The following DMP1 variants were observed in gnomAD, a reference collection of about 807,000 sequenced individuals.
DMP1 encodes dentin matrix protein 1.
A neutral mutation model predicts 14.6 loss-of-function variants in DMP1; 20 were observed. That is an observed-to-expected ratio of 1.37 (90% CI 0.96 to 1.99). DMP1 has a LOEUF of 1.99. Among genes scored for constraint, DMP1 ranks in the 30% most tolerant of loss-of-function variants. DMP1 has a pLI of 0.00. For missense variants in DMP1, 567 were observed against 620.5 expected (o/e 0.91, Z 0.92); for synonymous variants, 197 against 215.3 (o/e 0.91, Z 0.75).
intron 3 of DMP1, chr4:87,657,289 T>G: frequency 2.2e-6 from 1 of 448,292 alleles, no homozygotes; most frequent in Non-Finnish European, 4.1e-6. Flanking sequence ...AGCTTTCTTC[T>G]TATAATGGAT....
rs1470524573 is a variant in DMP1 at position 87,661,253 on chromosome 4, C to T, written c.184-709C>T. Among the ~76,000 whole-genome samples the T allele has an allele frequency of 7.7e-5, 9 of 116,616 alleles. No individual in the cohort carries two copies. The East Asian group carries it at 1.1e-3, about 14-fold the overall frequency. The allele number at this position is 116,616 out of a possible 152,430, so 76.5% of individuals were successfully genotyped here. ...TTTTTTTTTTTTTGAGACGGAGTCT[C>T]GCTGTCGCCCAGGCTGGAGTGCAGT... is the stretch of plus-strand genomic sequence containing the variant. On this transcript the variant is annotated intron_variant, in intron 5 of 5. Transcript: ENST00000339673.
chr4:87,659,005 T>G, intron 3 of DMP1: 1 of 605,354 alleles, frequency 1.7e-6, no homozygotes, highest in Non-Finnish European at 3.0e-6. Flanking sequence ...ATAAACATTG[T>G]CTAGGTCTCT....
intron 2 of DMP1, 53 bp downstream of exon 2, chr4:87,656,599 A>T (rs1393372607): frequency 5.6e-6 from 7 of 1,252,572 alleles, no homozygotes; most frequent in Non-Finnish European, 7.1e-6. Context: ...TTAAAACTCC[A>T]CAATTTTGAT....
chr4:87,656,830 C>T (rs1239844533), intron 2 of DMP1, among the ~76,000 whole-genome samples: 1 of 152,186 alleles, frequency 6.6e-6, no homozygotes, highest in Non-Finnish European at 1.5e-5. Context: ...TGTTAGAAAT[C>T]CAAATTCTTG....
At chr4:87,660,540 T>C (rs1005782085) in intron 5 of DMP1, among the ~76,000 whole-genome samples, 6 of 152,130 alleles carry the variant, frequency 3.9e-5, no homozygotes, top group Non-Finnish European at 8.8e-5. Flanking sequence ...CATTGATCAG[T>C]AGGGATGTGT....
intron 1 of DMP1, among the ~76,000 whole-genome samples, chr4:87,653,414 TA>T: frequency 8.5e-6 from 1 of 117,670 alleles, no homozygotes; most frequent in Non-Finnish European, 1.7e-5. Context: ...TATATATATA[TA>T]TATATATATA....
chr4:87,650,933 G>A (rs1380996932), intron 1 of DMP1, among the ~76,000 whole-genome samples: 1 of 152,118 alleles, frequency 6.6e-6, no homozygotes, highest in East Asian at 1.9e-4. Flanking sequence ...TGATAATTAT[G>A]TTTTTTGTAT....
chr4:87,660,777 T>C (rs1728838910), intron 5 of DMP1: 3 of 152,172 alleles, frequency 2.0e-5, no homozygotes, highest in South Asian at 2.1e-4. Flanking sequence ...GAATCATCTA[T>C]AGGCAACTTT....
intron 5 of DMP1, chr4:87,660,609 A>G (rs1290477221): frequency 6.6e-6 from 1 of 152,276 alleles, no homozygotes; most frequent in Admixed American, 6.5e-5. Context: ...GGGTATGGTA[A>G]AGAGAGCAGA....
chr4:87,651,562 TA>T (rs1283824792), intron 1 of DMP1, among the ~76,000 whole-genome samples: 3 of 152,084 alleles, frequency 2.0e-5, no homozygotes, highest in Non-Finnish European at 4.4e-5. Context: ...TTTATTATTA[TA>T]AAACCAACTT....
In DMP1 at chr4:87,662,046, G is replaced by A; in HGVS notation, c.268G>A (p.Gly90Ser). The A allele has an allele frequency of 6.2e-7, 1 of 1,614,224 alleles. No homozygotes were observed. Among genetic ancestry groups the A allele is most frequent in the Non-Finnish European group, 8.5e-7 (1 of 1,180,036 alleles). The part of the protein sequence containing the change: ...DHQYIYRLAG[G>S]FSRSTGKGGD... ...TCAATACATTTATAGGCTAGCTGGT[G>A]GCTTCTCCAGGAGCACAGGAAAAGG... The change falls in exon 6 of 6, where the codon GGC becomes AGC. Residue 90 changes from glycine (G) to serine (S), a missense_variant. Transcript: ENST00000339673.
rs1443432389 is a variant in DMP1 at position 87,662,869 on chromosome 4, G to C, written c.1091G>C (p.Arg364Thr). 1 of 1,614,114 alleles carries C rather than the reference G, an allele frequency of 6.2e-7. No homozygotes were observed. Among genetic ancestry groups the C allele is most frequent in the South Asian group, 1.1e-5 (1 of 91,074 alleles). The part of the protein sequence containing the change: ...ESQEEVVSES[R>T]GDNPDPTTSY... ...CAGGAAGAGGTGGTGAGTGAGTCCA[G>C]GGGAGATAACCCCGACCCCACAACT... Residue 364 changes from arginine (R) to threonine (T), a missense_variant, in exon 6 of 6, where the codon AGG (arginine) becomes ACG (threonine). Coordinates refer to ENST00000339673, the MANE Select transcript of DMP1 (RefSeq NM_004407.4).
intron 1 of DMP1, among the ~76,000 whole-genome samples, chr4:87,654,582 G>C (rs1728633217): frequency 6.6e-6 from 1 of 152,160 alleles, no homozygotes; most frequent in African/African-American, 2.4e-5. Context: ...TGTTTACAAA[G>C]AGTCCGAGGA....
chr4:87,653,386 GATATATATATATATATATATATATAT>G (rs57266829), intron 1 of DMP1, among the ~76,000 whole-genome samples: 747 of 57,772 alleles, frequency 0.013, 45 homozygotes, highest in Non-Finnish European at 0.02. Flanking sequence ...ATTATCGAGT[GATATATATATATATATATATATATAT>G]ATATATATAT....
rs202210004 is a variant in DMP1, at chr4:87,657,068, G to A, written c.91G>A (p.Glu31Lys). ...RYQNNESEDS[E>K]EWKGHLAQAP... ...TCAAAATAATGAATCTGAGGATTCT[G>A]AAGAATGGAAGGTGAGTAGAAATAT... Residue 31 changes from glutamate to lysine, a missense_variant, in exon 3 of 6, where the codon GAA becomes AAA. By Grantham distance (56) the Glu-to-Lys change is moderately conservative. Coordinates refer to ENST00000339673, the MANE Select transcript of DMP1 (RefSeq NM_004407.4). The A allele has an allele frequency of 2.9e-4, 445 of 1,542,300 alleles. 2 individuals carry two copies. The highest frequency in any genetic ancestry group is 5.1e-5 in the Non-Finnish European group (57 of 1,115,320).
At chr4:87,654,578 C>A (rs961987370) in intron 1 of DMP1, among the ~76,000 whole-genome samples, 1 of 152,002 alleles carries the variant, frequency 6.6e-6, no homozygotes, top group Non-Finnish European at 1.5e-5. Flanking sequence ...TGTTTGTTTA[C>A]AAAGAGTCCG....
chr4:87,663,051 G>T lies in DMP1; in HGVS notation c.1273G>T (p.Glu425Ter). 6.2e-7 allele frequency: 1 copy of T among 1,614,182 alleles called. No individual in the cohort carries two copies. Among genetic ancestry groups the T allele is most frequent in the Non-Finnish European group, 8.5e-7 (1 of 1,180,026 alleles). The change falls in exon 6 of 6, where the codon GAG becomes TAG. Residue 425 changes from glutamate to a stop codon, truncating the protein, a stop_gained. Coordinates refer to ENST00000339673, the MANE Select transcript of DMP1 (RefSeq NM_004407.4). LOFTEE classifies it high-confidence loss of function. ...GGAAAGCCCGGAGTCCCCTGAGGAT[G>T]AGAACAGCTCCAGCCAGGAGGGCCT... ...SEESPESPED[E>*]NSSSQEGLQS...
intron 1 of DMP1, among the ~76,000 whole-genome samples, chr4:87,650,685 T>C (rs1347944813): frequency 6.6e-6 from 1 of 152,206 alleles, no homozygotes; most frequent in African/African-American, 2.4e-5. Flanking sequence ...GAAGGTCATT[T>C]TGAAATTTAG....
intron 3 of DMP1, among the ~76,000 whole-genome samples, chr4:87,658,268 T>C (rs1327502426): frequency 2.0e-5 from 3 of 152,218 alleles, no homozygotes; most frequent in East Asian, 1.9e-4. Context: ...GAAACGCACG[T>C]TGAAGACATG....
Sources: gnomAD v4.1 joint callset for allele counts (sites outside exome capture counted in the v4.1 genomes callset) on GRCh38, gnomAD v4.1.1 for gene constraint, MANE v1.5 for transcripts, NCBI Gene and HGNC (gene_info 2026-07-23, HGNC 2026-07-21) for gene names.